Variants in PAK1 observed in about 807,000 individuals in gnomAD.
The protein encoded by PAK1 is serine/threonine-protein kinase PAK 1.
PAK1 carries 29 observed loss-of-function variants against 67.4 expected under a neutral mutation model. That is an observed-to-expected ratio of 0.43 (90% CI 0.32 to 0.59). The LOEUF is 0.59. Ranked by LOEUF, PAK1 falls within the 20% of genes least tolerant of loss-of-function variation. The probability of loss-of-function intolerance (pLI) is 0.07; values close to 1 mark genes in which losing one functional copy is unlikely to be tolerated. For synonymous variants in PAK1, 223 were observed against 237.4 expected (o/e 0.94, Z 0.56); for missense variants, 337 against 670.7 (o/e 0.50, Z 5.50).
intron 1 of PAK1, among the ~76,000 whole-genome samples, chr11:77,398,357 T>C (rs183342766): frequency 2.2e-4 from 33 of 152,292 alleles, no homozygotes; most frequent in Non-Finnish European, 3.7e-4. Flanking sequence ...AGTGAGAACA[T>C]GCGATGTTTA....
intron 3 of PAK1, 56 bp downstream of exon 3, chr11:77,379,836 AAC>A: frequency 8.9e-7 from 1 of 1,124,528 alleles, no homozygotes; most frequent in Admixed American, 2.1e-5. Context: ...GGTTGAATCT[AAC>A]AGTGCACAGC....
intron 1 of PAK1, among the ~76,000 whole-genome samples, chr11:77,399,906 T>G (rs1952430726): frequency 7.1e-6 from 1 of 141,522 alleles, no homozygotes; most frequent in African/African-American, 2.6e-5. Context: ...TTAACAGGGT[T>G]ATAACATAAT....
At chr11:77,326,830 T>C (rs915824685) in intron 14 of PAK1, among the ~76,000 whole-genome samples, 3 of 152,102 alleles carry the variant, frequency 2.0e-5, no homozygotes, top group Non-Finnish European at 4.4e-5. Flanking sequence ...ATGATCAGAC[T>C]ACTCTGAGCT....
Position 77,323,344 on chromosome 11 carries a change from A to G in PAK1, c.1568T>C (p.Ile523Thr). ...AGTGAGGCTGGAGAGGGGCTTGGCA[A>G]TCTTCAGGAATTGATGCTAGAAAGG... ...KELLQHQFLK[I>T]AKPLSSLTPL... Residue 523 changes from isoleucine to threonine, a missense_variant, in exon 15 of 15, where the codon ATT becomes ACT. Ile to Thr is a moderately conservative substitution (Grantham distance 89). This residue lies in a region of PAK1 where 71 missense variants were observed against 160.5 expected (regional missense o/e 0.44). Transcript: ENST00000356341. 1.2e-6 allele frequency: 2 copies of G among 1,610,592 alleles called. No homozygotes were observed. The highest frequency in any genetic ancestry group is 1.7e-6 in the Non-Finnish European group (2 of 1,176,812).
the PAK1 span, among the ~76,000 whole-genome samples, chr11:77,508,399 C>T: frequency 6.6e-6 from 1 of 152,264 alleles, no homozygotes; most frequent in East Asian, 1.9e-4. Context: ...GGGAGTGTGA[C>T]AGCAGTATGT....
chr11:77,368,525 G>T lies in PAK1; in HGVS notation c.477+5803C>A, dbSNP rs1446846970. ...CAAAAAATAATGTAGGCGTGGCATA[G>T]AAAAAATAGGAATACCAACACAAAA... is the stretch of plus-strand genomic sequence containing the variant. On this transcript the variant is annotated intron_variant, in intron 5 of 14. Transcript: ENST00000356341. Among the ~76,000 whole-genome samples, 3 of 152,196 alleles carry T rather than the reference G, an allele frequency of 2.0e-5. No individual in the cohort carries two copies. The East Asian group carries it at 5.8e-4, about 29-fold the overall frequency.
chr11:77,347,159 C>A, intron 9 of PAK1: 1 of 449,686 alleles, frequency 2.2e-6, no homozygotes, highest in South Asian at 1.6e-5. Flanking sequence ...AGTTTTGTAA[C>A]CACAAGACAC....
chr11:77,428,962 T>C lies in PAK1; in HGVS notation c.-21-36421A>G, dbSNP rs1167516866. On this transcript the variant is annotated intron_variant, in intron 1 of 14. Coordinates refer to ENST00000356341, the MANE Select transcript of PAK1 (RefSeq NM_002576.5). ...GGGGTGTCAGAACCTCATTTCCTCA[T>C]TATGTCTATGAGAAGGCCTGGGAGC... is the stretch of plus-strand genomic sequence containing the variant. Among the ~76,000 whole-genome samples, 3 of 149,572 alleles carry C rather than the reference T, an allele frequency of 2.0e-5. No individual in the cohort carries two copies. In the Admixed American group the frequency reaches 2.0e-4, roughly 10 times the overall value.
At chr11:77,407,099 A>G (rs1953701642) in intron 1 of PAK1, among the ~76,000 whole-genome samples, 1 of 152,120 alleles carries the variant, frequency 6.6e-6, no homozygotes, top group African/African-American at 2.4e-5. Flanking sequence ...GTAGGTATGA[A>G]TATCTTCCAT....
At chr11:77,475,006 C>T (rs1232076078), upstream of PAK1, 1 of 152,160 alleles carries the variant, frequency 6.6e-6, no homozygotes. Flanking sequence ...CATTTCTAAG[C>T]CGTAATTTTT....
At position 77,379,965 on chromosome 11, in the gene PAK1, C is replaced by T. The variant is rs1354646218; in HGVS notation, c.220G>A (p.Glu74Lys). Residue 74 changes from glutamate to lysine, a missense_variant, in exon 3 of 15, where the codon GAG becomes AAG. By Grantham distance (56) the Glu-to-Lys change is moderately conservative. Transcript: ENST00000356341. The part of the protein sequence containing the change: ...TNKKKEKERP[E>K]ISLPSDFEHT... ...TCAAAATCTGAAGGGAGAGAAATCTCTGGCCGCTCTTTCTCTTTCTTTTTA... is the reference window on the plus strand; with the variant it reads ...TCAAAATCTGAAGGGAGAGAAATCTTTGGCCGCTCTTTCTCTTTCTTTTTA... The T allele has an allele frequency of 6.2e-7, 1 of 1,613,764 alleles. No homozygotes were observed. The highest frequency in any genetic ancestry group is 2.2e-5 in the East Asian group (1 of 44,898).
intron 1 of PAK1, among the ~76,000 whole-genome samples, chr11:77,462,985 T>TGG (rs1957428855): frequency 2.9e-4 from 9 of 30,684 alleles, no homozygotes; most frequent in South Asian, 1.1e-3. Flanking sequence ...AAAAAAAAGG[T>TGG]GGGTGGGGGT....
In PAK1 at chr11:77,383,527, T is replaced by G. The variant is rs539346406; in HGVS notation, c.191-3533A>C. On this transcript the variant is annotated intron_variant, in intron 2 of 14. Transcript: ENST00000356341. The stretch of plus-strand genomic sequence containing the variant: ...TTGCAGTAGAGACAGGGTTTCACCA[T>G]GTTGCCAGGCTGGTCTCGAACTCCT... 8.5e-5 allele frequency among the ~76,000 whole-genome samples: 13 copies of G among 152,210 alleles called. No homozygotes were observed. In the East Asian group the frequency reaches 2.5e-3, roughly 29 times the overall value.
intron 1 of PAK1, among the ~76,000 whole-genome samples, chr11:77,405,120 G>A (rs2602462): frequency 0.11 from 16,734 of 152,182 alleles, 2,242 homozygotes; most frequent in African/African-American, 0.31. Flanking sequence ...TTAAGCGAAG[G>A]AGTAATAAGT....
chr11:77,349,121 T>TC lies in PAK1; in HGVS notation c.885+117dup, dbSNP rs1204049342. 5.1e-5 allele frequency: 29 copies of TC among 573,134 alleles called. No homozygotes were observed. The African/African-American group carries it at 5.2e-4, about 10-fold the overall frequency. 35.5% of individuals were successfully genotyped at this position (573,134 alleles called of 1,614,324 possible). A position where few individuals can be genotyped will look rare whatever the true frequency, so the allele number is the denominator to read the frequency against. On this transcript the variant is annotated intron_variant, in intron 9 of 14. Transcript: ENST00000356341. Reference sequence around the variant, plus strand: ...GCCTGGATGACAGAGTGAGACCCCATCCCAAAAAAAAAAAAAAAAACCTAG... The same window carrying TC: ...GCCTGGATGACAGAGTGAGACCCCATCCCCAAAAAAAAAAAAAAAAACCTAG...
At chr11:77,338,517 C>A (rs547439230) in intron 11 of PAK1, among the ~76,000 whole-genome samples, 28 of 152,184 alleles carry the variant, frequency 1.8e-4, no homozygotes, top group African/African-American at 6.7e-4. Flanking sequence ...CTGGCAGGAA[C>A]GTAAAACAGT....
At chr11:77,512,266 C>G in the PAK1 span, among the ~76,000 whole-genome samples, 1 of 152,102 alleles carries the variant, frequency 6.6e-6, no homozygotes, top group Non-Finnish European at 1.5e-5. Flanking sequence ...TCCAGTTTTC[C>G]CTCCCCTCCC....
At position 77,418,736 on chromosome 11, in the gene PAK1, CTTTAAA is replaced by C. The variant is rs1208228274; in HGVS notation, c.-21-26201_-21-26196del. 3.9e-5 allele frequency among the ~76,000 whole-genome samples: 6 copies of C among 152,330 alleles called. No homozygotes were observed. In the East Asian group the frequency reaches 1.2e-3, roughly 29 times the overall value. On this transcript the variant is annotated intron_variant, in intron 1 of 14. Coordinates refer to ENST00000356341, the MANE Select transcript of PAK1 (RefSeq NM_002576.5). ...TACAAAGCTAATAAGTATGCCATCT[CTTTAAA>C]CATTTTTCAAACATCTGTCATGTGC...
the PAK1 span, among the ~76,000 whole-genome samples, chr11:77,489,739 G>A: frequency 1.3e-5 from 2 of 151,412 alleles, no homozygotes; most frequent in Admixed American, 6.5e-5. Flanking sequence ...ACGAAGTCTC[G>A]TTCACTCAGT....
Sources: allele counts gnomAD v4.1 joint callset (sites outside exome capture counted in the v4.1 genomes callset), GRCh38; gene constraint gnomAD v4.1.1; regional missense constraint gnomAD v4.1.1; transcripts MANE v1.5; gene names NCBI Gene and HGNC (gene_info 2026-07-23, HGNC 2026-07-21).